The following MYO9B variants were observed in gnomAD, a reference collection of about 807,000 sequenced individuals.
MYO9B encodes the protein unconventional myosin-IXb.
In MYO9B, 71 loss-of-function variants were observed where a neutral mutation model predicts 229.5. That is an observed-to-expected ratio of 0.31 (90% confidence interval 0.26 to 0.38). The LOEUF (loss-of-function observed/expected upper bound fraction) is 0.38. MYO9B is among the 10% of genes least tolerant of loss of function. The pLI is 1.00. For synonymous variants in MYO9B, 1,185 were observed against 1,235.8 expected, an observed-to-expected ratio of 0.96 and a Z score of 0.86; for missense variants, 2,255 against 2,920.5, an observed-to-expected ratio of 0.77 and a Z score of 5.25.
chr19:17,182,980 G>C (rs959869258), intron 15 of MYO9B, among the ~76,000 whole-genome samples: 11 of 152,026 alleles, frequency 7.2e-5, no homozygotes, highest in Admixed American at 3.3e-4. Context: ...GGAGTGCAGT[G>C]GCACGATCTC....
intron 1 of MYO9B, among the ~76,000 whole-genome samples, chr19:17,085,542 A>T (rs1335846352): frequency 1.3e-5 from 2 of 152,112 alleles, no homozygotes; most frequent in African/African-American, 2.4e-5. Context: ...TAAATGTTCT[A>T]GCCAGGGGCA....
intron 2 of MYO9B, among the ~76,000 whole-genome samples, chr19:17,139,363 C>T (rs752656879): frequency 1.3e-5 from 2 of 151,456 alleles, no homozygotes; most frequent in South Asian, 2.1e-4. Flanking sequence ...GCAGGAAAAT[C>T]GCTTGAACTC....
chr19:17,086,330 C>T (rs922111978), intron 1 of MYO9B, among the ~76,000 whole-genome samples: 16 of 152,236 alleles, frequency 1.1e-4, no homozygotes, highest in African/African-American at 3.6e-4. Flanking sequence ...TGCCCATTCC[C>T]CGCCCTCGCC....
chr19:17,147,367 A>G (rs1386680532), intron 3 of MYO9B, among the ~76,000 whole-genome samples: 1 of 151,922 alleles, frequency 6.6e-6, no homozygotes, highest in Non-Finnish European at 1.5e-5. Context: ...ACGTGGTGAA[A>G]CCGCCATCTC....
chr19:17,102,365 C>G lies in MYO9B; in HGVS notation c.648C>G (p.Phe216Leu). The G allele has an allele frequency of 6.2e-7, 1 of 1,614,028 alleles. No individual in the cohort carries two copies. Among genetic ancestry groups the G allele is most frequent in the South Asian group, 1.1e-5 (1 of 91,084 alleles). The stretch of plus-strand genomic sequence containing the variant: ...TGGGCAAGCTGGAGCCACACGTCTT[C>G]GCGCTGGCCGACGTGGCCTACTACA... Reference protein sequence around the residue: ...QQLGKLEPHVFALADVAYYTM... With the variant: ...QQLGKLEPHVLALADVAYYTM... Residue 216 changes from phenylalanine (F) to leucine (L), a missense_variant, in exon 2 of 40, where the codon TTC becomes TTG. Physicochemically the swap from Phe to Leu is conservative, Grantham distance 22. Around this residue, in one of 7 missense-constraint regions of MYO9B, gnomAD observed 386 missense variants for 515.2 expected, o/e 0.75. Coordinates refer to ENST00000682292, the MANE Select transcript of MYO9B (RefSeq NM_004145.4).
intron 39 of MYO9B, 40 bp downstream of exon 39, chr19:17,211,814 C>T: frequency 6.2e-7 from 1 of 1,612,086 alleles, no homozygotes; most frequent in Non-Finnish European, 8.5e-7. Flanking sequence ...CCTTCCCGTC[C>T]ATCCCAGCAG....
At chr19:17,128,151 A>G (rs576311314) in intron 2 of MYO9B, among the ~76,000 whole-genome samples, 149 of 152,130 alleles carry the variant, frequency 9.8e-4, no homozygotes, top group Middle Eastern at 6.8e-3. Flanking sequence ...CCGAGGCAGG[A>G]GAATCACTTG....
intron 15 of MYO9B, among the ~76,000 whole-genome samples, chr19:17,183,481 G>C (rs1316731982): frequency 2.0e-5 from 3 of 152,206 alleles, no homozygotes; most frequent in Non-Finnish European, 4.4e-5. Flanking sequence ...TCCATAGCAA[G>C]CCCCGCTGGA....
chr19:17,183,020 G>A (rs1232219714), intron 15 of MYO9B, among the ~76,000 whole-genome samples: 3 of 151,882 alleles, frequency 2.0e-5, no homozygotes, highest in Admixed American at 6.6e-5. Flanking sequence ...CTCCTGGGTT[G>A]AAGCAGTTCT....
At chr19:17,128,443 G>T (rs931643690) in intron 2 of MYO9B, among the ~76,000 whole-genome samples, 69 of 152,284 alleles carry the variant, frequency 4.5e-4, no homozygotes, top group African/African-American at 1.6e-3. Flanking sequence ...TATTTCCCTG[G>T]CATTTCCGTG....
intron 25 of MYO9B, 52 bp downstream of exon 25, chr19:17,200,478 G>C: frequency 6.5e-7 from 1 of 1,536,214 alleles, no homozygotes. Flanking sequence ...AGTGCCCCTG[G>C]GGACATTCAC....
chr19:17,183,660 G>C, intron 15 of MYO9B, 169 bp from the exon 16 acceptor site: 1 of 603,426 alleles, frequency 1.7e-6, no homozygotes, highest in Non-Finnish European at 2.9e-6. Flanking sequence ...GCACGCCACG[G>C]TGTGCAGCGT....
chr19:17,170,647 C>CA (rs55894910), intron 11 of MYO9B, among the ~76,000 whole-genome samples: 2,910 of 88,694 alleles, frequency 0.033, 334 homozygotes, highest in Non-Finnish European at 0.038. Context: ...CCCATCTCTA[C>CA]AAAAAAAAAA....
chr19:17,183,101 T>C (rs944881992), intron 15 of MYO9B, among the ~76,000 whole-genome samples: 1 of 152,050 alleles, frequency 6.6e-6, no homozygotes, highest in Non-Finnish European at 1.5e-5. Flanking sequence ...TTTGTATTTT[T>C]AGTAGAGACA....
chr19:17,121,965 G>A (rs12971955), intron 2 of MYO9B, among the ~76,000 whole-genome samples: 38,054 of 150,886 alleles, frequency 0.25, 5,035 homozygotes, highest in East Asian at 0.41. Context: ...CAGCCTGGGC[G>A]ACAGGAATGC....
chr19:17,106,195 T>C (rs2057791688), intron 2 of MYO9B, among the ~76,000 whole-genome samples: 1 of 152,166 alleles, frequency 6.6e-6, no homozygotes. Context: ...ACAGTCTTAC[T>C]ATGTTCTCCA....
chr19:17,198,300 C>A lies in MYO9B; in HGVS notation c.4230C>A (p.Val1410=). 2 of 1,613,752 alleles carry A rather than the reference C, an allele frequency of 1.2e-6. No individual in the cohort carries two copies. Among genetic ancestry groups the A allele is most frequent in the Non-Finnish European group, 1.7e-6 (2 of 1,179,862 alleles). The change falls in exon 24 of 40, where the codon GTC becomes GTA. Residue 1410 remains valine (V), a synonymous_variant. Transcript: ENST00000682292. ...CAGGGCTGTCCCCGGGCTCTCAGGT[C>A]GACTCTAAGTAAGTATTGGGCTTGG... ...PDAGLSPGSQ[V]DSKSTFKRLF... is the part of the protein sequence containing the mutation.
In MYO9B at chr19:17,155,092, C is replaced by T. The variant is rs547896339; in HGVS notation, c.1199+677C>T. 9.9e-5 allele frequency among the ~76,000 whole-genome samples: 15 copies of T among 152,200 alleles called. No homozygotes were observed. In the East Asian group the frequency reaches 2.7e-3, roughly 27 times the overall value. ...GGCTGTAAGTGAGCTAGGATTGTAC[C>T]GCTTCATTTCAGCTCGGGCAACAGA... On this transcript the variant is annotated intron_variant, in intron 6 of 39. Transcript: ENST00000682292.
At chr19:17,204,150 T>G (rs1034966013) in intron 30 of MYO9B, among the ~76,000 whole-genome samples, 9 of 151,910 alleles carry the variant, frequency 5.9e-5, no homozygotes, top group African/African-American at 2.2e-4. Context: ...GAGATAAGGA[T>G]GCGGGACCCA....
Sources: allele counts gnomAD v4.1 joint callset (sites outside exome capture counted in the v4.1 genomes callset), GRCh38; gene constraint gnomAD v4.1.1; regional missense constraint gnomAD v4.1.1; transcripts MANE v1.5; gene names NCBI Gene and HGNC (gene_info 2026-07-23, HGNC 2026-07-21).